GLRA3: variants seen among roughly 807,000 people sequenced by gnomAD.
GLRA3 encodes glycine receptor subunit alpha-3.
Under a neutral mutation model 60.4 loss-of-function variants are expected in GLRA3, and 44 were observed. The observed-to-expected ratio is 0.73, with a 90% confidence interval of 0.57 to 0.94. The LOEUF is 0.94. Ranked by LOEUF, GLRA3 falls within the 40% of genes least tolerant of loss-of-function variation. The pLI is 0.00. For synonymous variants in GLRA3, 223 were observed against 192.9 expected (o/e 1.16, Z -1.29); for missense variants, 508 against 564.6 (o/e 0.90, Z 1.02).
intron 3 of GLRA3, among the ~76,000 whole-genome samples, chr4:174,737,782 G>A (rs370612363): frequency 3.3e-5 from 5 of 152,316 alleles, no homozygotes; most frequent in African/African-American, 1.2e-4. Context: ...AAAGTGCTGG[G>A]ATTACAGGCG....
intron 4 of GLRA3, among the ~76,000 whole-genome samples, chr4:174,719,305 G>C (rs1485477784): frequency 6.6e-6 from 1 of 152,044 alleles, no homozygotes; most frequent in Non-Finnish European, 1.5e-5. Context: ...CAAAAGCATT[G>C]AAGCATTTTT....
At chr4:174,719,615 C>A (rs963332787) in intron 4 of GLRA3, among the ~76,000 whole-genome samples, 1 of 152,132 alleles carries the variant, frequency 6.6e-6, no homozygotes, top group Non-Finnish European at 1.5e-5. Flanking sequence ...GGGTAAATCA[C>A]TCTTAGGAGA....
chr4:174,671,899 C>G (rs1272534779), intron 7 of GLRA3, among the ~76,000 whole-genome samples: 3 of 152,258 alleles, frequency 2.0e-5, no homozygotes, highest in African/African-American at 7.2e-5. Flanking sequence ...GATCCACCCG[C>G]TTCTGCCTCC....
rs893698820 is a variant in GLRA3, at chr4:174,695,504, T to C, written c.575-12565A>G. Among the ~76,000 whole-genome samples, 3 of 152,110 alleles carry C rather than the reference T, an allele frequency of 2.0e-5. No homozygotes were observed. The East Asian group carries it at 5.8e-4, about 29-fold the overall frequency. ...GACAAAAATCACATGATTATCTCAATAGACTCAGAGAAAGCTTTTGATAAA... is the reference window on the plus strand; with the variant it reads ...GACAAAAATCACATGATTATCTCAACAGACTCAGAGAAAGCTTTTGATAAA... On this transcript the variant is annotated intron_variant, in intron 5 of 9. Coordinates refer to ENST00000274093, the MANE Select transcript of GLRA3 (RefSeq NM_006529.4).
chr4:174,732,360 T>TAAAAAAAAAAAAAA (rs780031779), intron 3 of GLRA3, among the ~76,000 whole-genome samples: 1 of 110,114 alleles, frequency 9.1e-6, no homozygotes, highest in Non-Finnish European at 2.0e-5. Context: ...ACTCAAAAAT[T>TAAAAAAAAAAAAAA]AAAAAAAAAA....
chr4:174,810,098 A>G lies in GLRA3; in HGVS notation c.71+18643T>C, dbSNP rs567007893. 2.0e-5 allele frequency among the ~76,000 whole-genome samples: 3 copies of G among 152,304 alleles called. No homozygotes were observed. In the East Asian group the frequency reaches 5.8e-4, roughly 29 times the overall value. ...CTGGATTCTGCAATAAATAAAATGGAACAGAATCTTTGGTCTCATGGAGTT... is the reference window on the plus strand; with the variant it reads ...CTGGATTCTGCAATAAATAAAATGGGACAGAATCTTTGGTCTCATGGAGTT... On this transcript the variant is annotated intron_variant, in intron 1 of 9. Coordinates refer to ENST00000274093, the MANE Select transcript of GLRA3 (RefSeq NM_006529.4).
Position 174,722,618 on chromosome 4 carries a change from G to A in GLRA3, c.491+5857C>T, listed in dbSNP as rs142939341. 758 of 154,172 alleles carry A rather than the reference G, an allele frequency of 4.9e-3. 4 individuals carry two copies. Among genetic ancestry groups the A allele is most frequent in the Admixed American group, 8.7e-3 (132 of 15,254 alleles). 9.6% of individuals were successfully genotyped at this position (154,172 alleles called of 1,614,324 possible). A position where few individuals can be genotyped will look rare whatever the true frequency, so the allele number is the denominator to read the frequency against. The stretch of plus-strand genomic sequence containing the variant: ...TACTTTCATCCTCCTGTGTGTTAAC[G>A]ACATTTTTATTCTTTATTCCGTTTA... On this transcript the variant is annotated intron_variant, in intron 4 of 9. Coordinates refer to ENST00000274093, the MANE Select transcript of GLRA3 (RefSeq NM_006529.4).
rs1380648210 is a variant in GLRA3 at position 174,640,615 on chromosome 4, T to G, written c.*3171A>C. ...CTGAGTACTAAAGTAGTGAACAGCTTGCTCTCTTCTGTTAGTTAAACATTT... is the reference window on the plus strand; with the variant it reads ...CTGAGTACTAAAGTAGTGAACAGCTGGCTCTCTTCTGTTAGTTAAACATTT... On this transcript the variant is annotated 3_prime_UTR_variant, in exon 10 of 10. Transcript: ENST00000274093. 1 of 152,108 alleles carries G rather than the reference T, an allele frequency of 6.6e-6. No homozygotes were observed. The highest frequency in any genetic ancestry group is 1.5e-5 in the Non-Finnish European group (1 of 67,974). The allele number at this position is 152,108 out of a possible 1,614,324, so 9.4% of individuals were successfully genotyped here.
chr4:174,639,215 A>T lies in GLRA3; in HGVS notation c.*4571T>A, dbSNP rs1015749990. ...GAGGCAAAAGATTGTTGCATGATTA[A>T]GAGCTGGCCAAATCGAATGACTGCA... On this transcript the variant is annotated 3_prime_UTR_variant, in exon 10 of 10. Transcript: ENST00000274093. The T allele has an allele frequency of 2.6e-5, 4 of 152,210 alleles. No homozygotes were observed. The highest frequency in any genetic ancestry group is 9.6e-5 in the African/African-American group (4 of 41,460). The allele number at this position is 152,210 out of a possible 1,614,324, so 9.4% of individuals were successfully genotyped here.
Position 174,677,058 on chromosome 4 carries a change from T to C in GLRA3, c.927+20A>G. On this transcript the variant is annotated intron_variant, in intron 7 of 9. Transcript: ENST00000274093. The stretch of plus-strand genomic sequence containing the variant: ...ATAAGTGTGTGTGCAAAGATGTGCA[T>C]GCTCATTCAGTGCACTTACTTTTGG... The C allele has an allele frequency of 7.1e-7, 1 of 1,407,884 alleles. No homozygotes were observed. Among genetic ancestry groups the C allele is most frequent in the Non-Finnish European group, 1.0e-6 (1 of 992,026 alleles). 87.2% of individuals were successfully genotyped at this position (1,407,884 alleles called of 1,614,324 possible).
At chr4:174,719,245 G>A (rs1011235599) in intron 4 of GLRA3, among the ~76,000 whole-genome samples, 2 of 151,864 alleles carry the variant, frequency 1.3e-5, no homozygotes, top group African/African-American at 2.4e-5. Context: ...TTACAGGCGT[G>A]AGCCACCGCG....
In GLRA3 at chr4:174,690,559, G is replaced by C. The variant is rs75016189; in HGVS notation, c.575-7620C>G. Among the ~76,000 whole-genome samples the C allele has an allele frequency of 7.2e-3, 1,093 of 152,142 alleles. 13 individuals are homozygous for C. Among genetic ancestry groups the C allele is most frequent in the African/African-American group, 0.025 (1,042 of 41,506 alleles). On this transcript the variant is annotated intron_variant, in intron 5 of 9. Transcript: ENST00000274093. ...GTACATTTGAAAGTTTGTTACATAC[G>C]TAAACACATGTCACAGGGCTTTGCT...
intron 3 of GLRA3, among the ~76,000 whole-genome samples, chr4:174,759,882 C>G (rs964614171): frequency 6.6e-6 from 1 of 152,006 alleles, no homozygotes; most frequent in Non-Finnish European, 1.5e-5. Context: ...GGACTAAAAC[C>G]TAAACAAGAA....
chr4:174,701,484 T>C (rs1356848423), intron 5 of GLRA3, among the ~76,000 whole-genome samples: 6 of 152,170 alleles, frequency 3.9e-5, no homozygotes, highest in Admixed American at 1.3e-4. Flanking sequence ...TAACATAGCA[T>C]CCATTCTGTG....
At chr4:174,666,594 G>A (rs935244039) in intron 7 of GLRA3, among the ~76,000 whole-genome samples, 1 of 151,574 alleles carries the variant, frequency 6.6e-6, no homozygotes, top group Non-Finnish European at 1.5e-5. Flanking sequence ...TCTAAAAAAA[G>A]TTTTATAATT....
Position 174,795,985 on chromosome 4 carries a change from A to T in GLRA3, c.72-7042T>A, listed in dbSNP as rs28449289. Among the ~76,000 whole-genome samples the T allele has an allele frequency of 4.8e-3, 735 of 152,260 alleles. 4 individuals are homozygous for T. Among genetic ancestry groups the T allele is most frequent in the African/African-American group, 0.017 (713 of 41,538 alleles). The stretch of plus-strand genomic sequence containing the variant: ...AAATTCTGAAAAGATTAATATTTAA[A>T]TTTTCTTTATGACTTGCTATGGTCT... On this transcript the variant is annotated intron_variant, in intron 1 of 9. Transcript: ENST00000274093.
chr4:174,803,770 A>C (rs1739916409), intron 1 of GLRA3, among the ~76,000 whole-genome samples: 1 of 152,184 alleles, frequency 6.6e-6, no homozygotes, highest in African/African-American at 2.4e-5. Context: ...TGGTGATAGT[A>C]GTATCTTATG....
intron 9 of GLRA3, among the ~76,000 whole-genome samples, chr4:174,649,132 T>C: frequency 6.6e-6 from 1 of 152,194 alleles, no homozygotes. Context: ...AATGGGGCTC[T>C]ATGGCTGTGC....
intron 4 of GLRA3, among the ~76,000 whole-genome samples, chr4:174,722,103 A>G (rs1351886607): frequency 1.3e-5 from 2 of 152,054 alleles, no homozygotes; most frequent in East Asian, 1.9e-4. Flanking sequence ...ATTCTTGTCT[A>G]CTGCTCAGTG....
Sources: gnomAD v4.1 joint callset for allele counts (sites outside exome capture counted in the v4.1 genomes callset) on GRCh38, gnomAD v4.1.1 for gene constraint, MANE v1.5 for transcripts, NCBI Gene and HGNC (gene_info 2026-07-23, HGNC 2026-07-21) for gene names.